The following EHBP1 variants were observed in gnomAD, a reference collection of about 807,000 sequenced individuals.
The protein encoded by EHBP1 is EH domain-binding protein 1.
In EHBP1, 55 loss-of-function variants were observed where a neutral mutation model predicts 144.0. That is an observed-to-expected ratio of 0.38 (90% CI 0.31 to 0.48). The LOEUF is 0.48. Ranked by LOEUF, EHBP1 falls within the 20% of genes least tolerant of loss-of-function variation. The pLI is 0.98. For synonymous variants in EHBP1, 469 were observed against 472.7 expected (o/e 0.99, Z 0.10); for missense variants, 1,200 against 1,364.2 (o/e 0.88, Z 1.90).
At chr2:62,704,973 G>A (rs2034410456), upstream of EHBP1, among the ~76,000 whole-genome samples, 1 of 152,286 alleles carries the variant, frequency 6.6e-6, no homozygotes, top group African/African-American at 2.4e-5. Flanking sequence ...ACAGCGAAGA[G>A]GAAACCAAGA....
chr2:62,773,757 A>G (rs2041842117), intron 5 of EHBP1, among the ~76,000 whole-genome samples: 2 of 145,004 alleles, frequency 1.4e-5, no homozygotes, highest in Admixed American at 1.4e-4. Flanking sequence ...AGACTGAGGC[A>G]GGAGAATTGC....
intron 10 of EHBP1, among the ~76,000 whole-genome samples, chr2:62,898,642 C>T (rs1328275214): frequency 6.6e-6 from 1 of 152,036 alleles, no homozygotes; most frequent in Non-Finnish European, 1.5e-5. Flanking sequence ...CTTTGGTCTT[C>T]TTTATTTCTA....
intron 7 of EHBP1, among the ~76,000 whole-genome samples, chr2:62,842,954 A>T (rs1404470078): frequency 1.3e-5 from 2 of 152,218 alleles, no homozygotes; most frequent in Non-Finnish European, 2.9e-5. Flanking sequence ...AGATGTAATG[A>T]TTCAATAATT....
At chr2:62,795,620 C>T (rs2043483732) in intron 5 of EHBP1, among the ~76,000 whole-genome samples, 1 of 151,968 alleles carries the variant, frequency 6.6e-6, no homozygotes, top group African/African-American at 2.4e-5. Context: ...TCTCTGATTC[C>T]TTTCCATTTT....
intron 2 of EHBP1, among the ~76,000 whole-genome samples, chr2:62,716,318 T>C (rs2035676739): frequency 6.6e-6 from 1 of 152,206 alleles, no homozygotes; most frequent in African/African-American, 2.4e-5. Flanking sequence ...ACAGAATCCA[T>C]GACTCCCTGC....
In EHBP1 at chr2:62,948,264, A is replaced by G; in HGVS notation, c.1418A>G (p.Tyr473Cys). The G allele has an allele frequency of 6.4e-7, 1 of 1,558,372 alleles. No homozygotes were observed. Among genetic ancestry groups the G allele is most frequent in the South Asian group, 1.2e-5 (1 of 81,606 alleles). Residue 473 changes from tyrosine (Y) to cysteine (C), a missense_variant, in exon 13 of 23, where the codon TAC (tyrosine) becomes TGC (cysteine). Transcript: ENST00000431489. Reference sequence around the variant, plus strand: ...TTGTTTTTCCTTCCTTTGAAGGCATACGATGGATTTGCCAGCATAGGAATT... The same window carrying G: ...TTGTTTTTCCTTCCTTTGAAGGCATGCGATGGATTTGCCAGCATAGGAATT... ...QDIKENNKKA[Y>C]DGFASIGISR...
rs1272025615 is a variant in EHBP1 at position 62,990,844 on chromosome 2, A to G, written c.2733+4A>G. Reference sequence around the variant, plus strand: ...GAGCTCAGAGCAGGACATGAAAGTAAGTCTTACTTGTTTAAAACATTTGGC... The same window carrying G: ...GAGCTCAGAGCAGGACATGAAAGTAGGTCTTACTTGTTTAAAACATTTGGC... On this transcript the variant is annotated splice_donor_region_variant and intron_variant, in intron 16 of 22. Transcript: ENST00000431489. 7 of 1,609,204 alleles carry G rather than the reference A, an allele frequency of 4.3e-6. No homozygotes were observed. The highest frequency in any genetic ancestry group is 5.1e-6 in the Non-Finnish European group (6 of 1,177,978).
chr2:62,761,634 G>C (rs901568779), intron 3 of EHBP1, among the ~76,000 whole-genome samples: 1 of 152,062 alleles, frequency 6.6e-6, no homozygotes, highest in Non-Finnish European at 1.5e-5. Context: ...ACTTGCATCT[G>C]CACTCATATA....
At chr2:62,842,511 T>G (rs143212708) in intron 7 of EHBP1, among the ~76,000 whole-genome samples, 120 of 152,292 alleles carry the variant, frequency 7.9e-4, no homozygotes, top group African/African-American at 2.6e-3. Context: ...CATAGGAATT[T>G]TGGGGGGACA....
At chr2:62,972,553 A>G (rs1422422760) in intron 14 of EHBP1, among the ~76,000 whole-genome samples, 1 of 152,210 alleles carries the variant, frequency 6.6e-6, no homozygotes, top group Non-Finnish European at 1.5e-5. Context: ...ATCAATTACT[A>G]TAATTACAAG....
chr2:62,801,706 T>C (rs1043918986), intron 5 of EHBP1, among the ~76,000 whole-genome samples: 7 of 152,252 alleles, frequency 4.6e-5, no homozygotes, highest in Non-Finnish European at 8.8e-5. Context: ...TAAATTTTGT[T>C]ATTTGTAGCC....
chr2:62,988,491 T>C (rs1221003928), intron 15 of EHBP1, among the ~76,000 whole-genome samples: 2 of 152,196 alleles, frequency 1.3e-5, no homozygotes, highest in Non-Finnish European at 2.9e-5. Context: ...TAAATATTAC[T>C]CTAGTAAATG....
chr2:62,755,484 G>T (rs991473323), intron 3 of EHBP1, among the ~76,000 whole-genome samples: 3 of 152,012 alleles, frequency 2.0e-5, no homozygotes, highest in Non-Finnish European at 2.9e-5. Context: ...TGTCTTTGGG[G>T]AAAAGTATTT....
At chr2:62,908,955 A>T (rs929084429) in intron 10 of EHBP1, among the ~76,000 whole-genome samples, 1 of 152,196 alleles carries the variant, frequency 6.6e-6, no homozygotes, top group Non-Finnish European at 1.5e-5. Context: ...ATGTCTTAAT[A>T]CATTTTTGTG....
chr2:62,721,377 T>A (rs2036208932), intron 2 of EHBP1, among the ~76,000 whole-genome samples: 2 of 152,250 alleles, frequency 1.3e-5, no homozygotes, highest in Non-Finnish European at 2.9e-5. Flanking sequence ...TTCACCTTGA[T>A]CACTTAGTCT....
intron 7 of EHBP1, among the ~76,000 whole-genome samples, chr2:62,840,144 T>C (rs1173810553): frequency 3.3e-5 from 5 of 149,460 alleles, no homozygotes; most frequent in Admixed American, 2.7e-4. Context: ...AACAGAGATA[T>C]AGATCAATGG....
chr2:62,754,783 G>A lies in EHBP1; in HGVS notation c.162+7331G>A, dbSNP rs190050366. Among the ~76,000 whole-genome samples the A allele has an allele frequency of 8.9e-4, 135 of 152,330 alleles. 1 individual carries two copies. Among genetic ancestry groups the A allele is most frequent in the African/African-American group, 2.7e-3 (114 of 41,582 alleles). On this transcript the variant is annotated intron_variant, in intron 3 of 22. Coordinates refer to ENST00000431489, the MANE Select transcript of EHBP1 (RefSeq NM_001142616.3). ...GGGCTCTGTGGGCGTGGGACCCTCC[G>A]AGCCAGGAGCGGGATATAATCTCCT...
chr2:62,967,603 A>C (rs2058305767), intron 14 of EHBP1, among the ~76,000 whole-genome samples: 1 of 152,178 alleles, frequency 6.6e-6, no homozygotes, highest in African/African-American at 2.4e-5. Context: ...GATCACTTGT[A>C]TCTTACGGGA....
At chr2:62,862,342 C>T (rs2049633444) in intron 8 of EHBP1, among the ~76,000 whole-genome samples, 1 of 152,222 alleles carries the variant, frequency 6.6e-6, no homozygotes, top group Admixed American at 6.5e-5. Context: ...GGCATGGTGG[C>T]TCACACCTGT....
Sources: allele counts gnomAD v4.1 joint callset (sites outside exome capture counted in the v4.1 genomes callset), GRCh38; gene constraint gnomAD v4.1.1; transcripts MANE v1.5; gene names NCBI Gene and HGNC (gene_info 2026-07-23, HGNC 2026-07-21).